ADGB: variants seen among roughly 807,000 people sequenced by gnomAD.
ADGB encodes the protein calpain-7-like protein.
Under a neutral mutation model 210.5 loss-of-function variants are expected in ADGB, and 172 were observed. The ratio of observed to expected loss-of-function variants is 0.82; its 90% CI spans 0.72 to 0.93. The LOEUF is 0.93. ADGB is among the 40% of genes least tolerant of loss of function. ADGB has a pLI of 0.00. For missense variants in ADGB, 2,025 were observed against 1,964.8 expected, an observed-to-expected ratio of 1.03 and a Z score of -0.58; for synonymous variants, 658 against 662.7, an observed-to-expected ratio of 0.99 and a Z score of 0.11.
rs1201628391 is a variant in ADGB, at chr6:146,801,860, ATGAAT to A, written c.4673_4677del (p.Leu1558SerfsTer18). The A allele has an allele frequency of 6.5e-7, 1 of 1,550,172 alleles. No homozygotes were observed. ...GATACAGATCCTCTGCTGCAAACAG[ATGAAT>A]TGAATCAGCAGCAGGCAATGCAAAA... On this transcript the variant is annotated frameshift_variant, in exon 35 of 36. Transcript: ENST00000397944. LOFTEE classifies it high-confidence loss of function.
At chr6:146,727,531 T>G (rs1361801367) in intron 19 of ADGB, among the ~76,000 whole-genome samples, 1 of 152,226 alleles carries the variant, frequency 6.6e-6, no homozygotes, top group East Asian at 1.9e-4. Flanking sequence ...GTCAGTTTGT[T>G]GTCTTCCTTT....
chr6:146,782,326 T>G, intron 30 of ADGB, 134 bp downstream of exon 30: 1 of 914,484 alleles, frequency 1.1e-6, no homozygotes, highest in Non-Finnish European at 1.6e-6. Context: ...CTAGATACTT[T>G]GAGGACATTC....
Position 146,726,107 on chromosome 6 carries a change from ATAC to A in ADGB, c.2264_2266del (p.Tyr755del). ...GGAGACACATGCTACTCTTCAACGC[ATAC>A]TCCCCAGTAGGACACTCCATACACA... On this transcript the variant is annotated inframe_deletion, in exon 19 of 36. Transcript: ENST00000397944. 6.5e-7 allele frequency: 1 copy of A among 1,544,752 alleles called. No homozygotes were observed. Among genetic ancestry groups the A allele is most frequent in the Non-Finnish European group, 8.8e-7 (1 of 1,141,146 alleles).
intron 27 of ADGB, among the ~76,000 whole-genome samples, chr6:146,762,509 A>G (rs1016735156): frequency 5.3e-5 from 8 of 152,088 alleles, no homozygotes; most frequent in African/African-American, 1.9e-4. Flanking sequence ...TCAGCTTCAT[A>G]TCTATTTCTA....
At chr6:146,793,522 G>A (rs915210902) in intron 33 of ADGB, among the ~76,000 whole-genome samples, 2 of 152,160 alleles carry the variant, frequency 1.3e-5, no homozygotes, top group Non-Finnish European at 2.9e-5. Flanking sequence ...GTCGGTCCAG[G>A]GGTCCTCAGT....
chr6:146,689,046 G>A (rs2114919546), intron 10 of ADGB, among the ~76,000 whole-genome samples: 1 of 152,230 alleles, frequency 6.6e-6, no homozygotes, highest in South Asian at 2.1e-4. Context: ...TTAGTTTTAT[G>A]TAGATCTGAG....
At chr6:146,731,879 C>T (rs534227326) in intron 20 of ADGB, among the ~76,000 whole-genome samples, 7 of 152,190 alleles carry the variant, frequency 4.6e-5, no homozygotes, top group South Asian at 2.1e-4. Flanking sequence ...GAATCGGGCA[C>T]GGAGTCTGCA....
intron 35 of ADGB, among the ~76,000 whole-genome samples, chr6:146,809,555 T>C (rs1778270476): frequency 6.6e-6 from 1 of 152,162 alleles, no homozygotes; most frequent in Admixed American, 6.5e-5. Context: ...TTTCCCAGGC[T>C]GTTCTCAAAC....
chr6:146,658,199 C>G (rs1445735605), intron 5 of ADGB, among the ~76,000 whole-genome samples: 1 of 152,130 alleles, frequency 6.6e-6, no homozygotes, highest in African/African-American at 2.4e-5. Context: ...TTCTAATATC[C>G]AAAATTGGAT....
intron 25 of ADGB, among the ~76,000 whole-genome samples, chr6:146,744,986 T>C (rs1235583209): frequency 6.6e-6 from 1 of 152,188 alleles, no homozygotes; most frequent in Non-Finnish European, 1.5e-5. Context: ...GTAAAAATGC[T>C]TTATTATACA....
At chr6:146,745,130 T>C (rs994520503) in intron 25 of ADGB, among the ~76,000 whole-genome samples, 1 of 152,192 alleles carries the variant, frequency 6.6e-6, no homozygotes, top group Non-Finnish European at 1.5e-5. Context: ...CATTCTGGCT[T>C]ATATATATCT....
At chr6:146,665,801 G>T (rs184556305) in intron 6 of ADGB, among the ~76,000 whole-genome samples, 53 of 152,114 alleles carry the variant, frequency 3.5e-4, no homozygotes, top group South Asian at 1.2e-3. Flanking sequence ...GATTTTTACA[G>T]TACATAGTGA....
In ADGB at chr6:146,635,482, G is replaced by T. The variant is rs1775404454; in HGVS notation, c.182G>T (p.Trp61Leu). Residue 61 changes from tryptophan to leucine, a missense_variant, in exon 2 of 36, where the codon TGG becomes TTG. By Grantham distance (61) the Trp-to-Leu change is moderately conservative. Coordinates refer to ENST00000397944, the MANE Select transcript of ADGB (RefSeq NM_024694.4). ...WSEADINSEK[W>L]DAGKGAKEKD... ...GAAGCTGACATAAATTCAGAAAAGT[G>T]GGATGCAGGCAAAGGTGCAAAAGAA... is the stretch of plus-strand genomic sequence containing the variant. 1 of 1,548,460 alleles carries T rather than the reference G, an allele frequency of 6.5e-7. No individual in the cohort carries two copies. Among genetic ancestry groups the T allele is most frequent in the East Asian group, 2.5e-5 (1 of 40,728 alleles).
chr6:146,768,668 A>G (rs573624855), intron 28 of ADGB, among the ~76,000 whole-genome samples: 1 of 152,308 alleles, frequency 6.6e-6, no homozygotes, highest in South Asian at 2.1e-4. Flanking sequence ...CTGTGTCATG[A>G]TCACAAAGAA....
At chr6:146,785,783 C>T in intron 32 of ADGB, 71 bp downstream of exon 32, 1 of 1,116,986 alleles carries the variant, frequency 9.0e-7, no homozygotes, top group Non-Finnish European at 1.3e-6. Context: ...AAAAAATAAT[C>T]AGTGGGTTGT....
At chr6:146,813,956 CCT>C (rs1484150703) in intron 35 of ADGB, among the ~76,000 whole-genome samples, 1 of 152,018 alleles carries the variant, frequency 6.6e-6, no homozygotes, top group Non-Finnish European at 1.5e-5. Context: ...TATACTCATT[CCT>C]CAAGGGATTA....
At chr6:146,644,969 G>A in intron 3 of ADGB, 104 bp downstream of exon 3, 1 of 580,142 alleles carries the variant, frequency 1.7e-6, no homozygotes, top group Non-Finnish European at 2.8e-6. Flanking sequence ...ATTTTCTCTT[G>A]TGGTATTCAG....
chr6:146,624,850 G>A (rs938726942), intron 1 of ADGB, among the ~76,000 whole-genome samples: 3 of 151,786 alleles, frequency 2.0e-5, no homozygotes, highest in African/African-American at 7.3e-5. Context: ...ATTACAGTGT[G>A]TTATTTATAT....
rs935348117 is a variant in ADGB at position 146,801,720 on chromosome 6, C to G, written c.4635-108C>G. The G allele has an allele frequency of 4.3e-6, 4 of 925,926 alleles. No homozygotes were observed. In the African/African-American group the frequency reaches 7.0e-5, roughly 16 times the overall value. The allele number at this position is 925,926 out of a possible 1,614,324, so 57.4% of individuals were successfully genotyped here. A position where few individuals can be genotyped will look rare whatever the true frequency, so the allele number is the denominator to read the frequency against. On this transcript the variant is annotated intron_variant, in intron 34 of 35. Transcript: ENST00000397944. ...TCTATCCCTAATGTTTTATTTGACT[C>G]AGACCACCACACTGTTGATATGATT...
Sources: gnomAD v4.1 joint callset for allele counts (sites outside exome capture counted in the v4.1 genomes callset) on GRCh38, gnomAD v4.1.1 for gene constraint, MANE v1.5 for transcripts, NCBI Gene and HGNC (gene_info 2026-07-23, HGNC 2026-07-21) for gene names.